PTPRN2: variants seen among roughly 807,000 people sequenced by gnomAD.
The protein encoded by PTPRN2 is receptor-type tyrosine-protein phosphatase N2.
In PTPRN2, 74 loss-of-function variants were observed where a neutral mutation model predicts 118.8. The ratio of observed to expected loss-of-function variants is 0.62; its 90% CI spans 0.52 to 0.76. PTPRN2 has a LOEUF of 0.76. Ranked by LOEUF, PTPRN2 falls within the 30% of genes least tolerant of loss-of-function variation. The pLI, the probability that PTPRN2 is intolerant of heterozygous loss-of-function variation, is 0.00. For synonymous variants in PTPRN2, 641 were observed against 608.0 expected (o/e 1.05, Z -0.80); for missense variants, 1,481 against 1,394.4 (o/e 1.06, Z -0.99).
intron 12 of PTPRN2, among the ~76,000 whole-genome samples, chr7:157,725,459 G>T (rs199845280): frequency 0.022 from 1,496 of 66,648 alleles, no homozygotes; most frequent in East Asian, 0.11. Flanking sequence ...TCCACATGCA[G>T]AGGAGTGAGC....
chr7:158,316,572 A>G (rs1484894163), intron 3 of PTPRN2, among the ~76,000 whole-genome samples: 3 of 152,088 alleles, frequency 2.0e-5, no homozygotes, highest in Non-Finnish European at 4.4e-5. Flanking sequence ...GCTGCGGGCC[A>G]CTGCAGCCTC....
At chr7:157,727,179 C>T (rs1272236755) in intron 12 of PTPRN2, among the ~76,000 whole-genome samples, 3 of 152,136 alleles carry the variant, frequency 2.0e-5, no homozygotes, top group African/African-American at 7.2e-5. Flanking sequence ...ATTTGCACGC[C>T]AGGTTCACAG....
chr7:158,571,500 AACAAAAAAAAAC>A (rs1828029345), intron 1 of PTPRN2, among the ~76,000 whole-genome samples: 1 of 148,042 alleles, frequency 6.8e-6, no homozygotes, highest in African/African-American at 2.6e-5. Flanking sequence ...AACAAAAAAA[AACAAAAAAAAAC>A]ACACACCTAT....
At chr7:158,282,676 G>T (rs11765647) in intron 3 of PTPRN2, among the ~76,000 whole-genome samples, 1 of 143,288 alleles carries the variant, frequency 7.0e-6, no homozygotes, top group South Asian at 2.2e-4. Context: ...CGTCCCTCCT[G>T]GTGCTCCACA....
At chr7:158,371,909 G>C (rs1810025317) in intron 2 of PTPRN2, among the ~76,000 whole-genome samples, 1 of 152,226 alleles carries the variant, frequency 6.6e-6, no homozygotes, top group Non-Finnish European at 1.5e-5. Flanking sequence ...TTTTCTAAAA[G>C]GGAGAGATGA....
intron 11 of PTPRN2, among the ~76,000 whole-genome samples, chr7:157,957,842 C>T (rs1033441078): frequency 6.6e-6 from 1 of 152,196 alleles, no homozygotes; most frequent in Non-Finnish European, 1.5e-5. Flanking sequence ...CACTCCTCCT[C>T]AAACTTTTCC....
At chr7:158,071,618 G>T (rs1254665498) in intron 11 of PTPRN2, among the ~76,000 whole-genome samples, 65 of 132,638 alleles carry the variant, frequency 4.9e-4, no homozygotes, top group South Asian at 8.2e-4. Context: ...TGCTCGTGGT[G>T]GAGGTGCTCG....
At position 158,003,898 on chromosome 7, in the gene PTPRN2, A is replaced by C. The variant is rs1003577773; in HGVS notation, c.1723+77400T>G. 2.0e-5 allele frequency among the ~76,000 whole-genome samples: 3 copies of C among 152,162 alleles called. No individual in the cohort carries two copies. The highest frequency in any genetic ancestry group is 7.2e-5 in the African/African-American group (3 of 41,424). ...CATCACTGTTGCCGACTTAATCAGC[A>C]AACTTCATTTACAATTCCACAAGCT... On this transcript the variant is annotated intron_variant, in intron 11 of 22. Coordinates refer to ENST00000389418, the MANE Select transcript of PTPRN2 (RefSeq NM_002847.5). This position sits in a 1 kb window ranked among gnomAD's most constrained non-coding sequence, Gnocchi z 5.0.
At chr7:158,085,736 C>T (rs1267898640) in intron 10 of PTPRN2, among the ~76,000 whole-genome samples, 34 of 143,288 alleles carry the variant, frequency 2.4e-4, no homozygotes, top group African/African-American at 7.6e-4. Flanking sequence ...TCCACACCCA[C>T]GACACCCATC....
At chr7:158,120,993 GCCAAA>G (rs1038297820) in intron 9 of PTPRN2, among the ~76,000 whole-genome samples, 4 of 152,106 alleles carry the variant, frequency 2.6e-5, no homozygotes, top group African/African-American at 9.7e-5. Context: ...CCTGCTCCAA[GCCAAA>G]CCCTCCTGGC....
intron 1 of PTPRN2, among the ~76,000 whole-genome samples, chr7:158,581,746 C>T (rs184946557): frequency 5.5e-4 from 83 of 152,276 alleles, no homozygotes; most frequent in African/African-American, 2.0e-3. Flanking sequence ...CTTACCACTT[C>T]CAGAGATGAG....
intron 2 of PTPRN2, among the ~76,000 whole-genome samples, chr7:158,412,757 A>G (rs1422733940): frequency 6.5e-5 from 5 of 76,940 alleles, no homozygotes; most frequent in African/African-American, 1.0e-4. Context: ...CCAGCTCAGC[A>G]CCCTCCTCAG....
intron 2 of PTPRN2, among the ~76,000 whole-genome samples, chr7:158,319,591 ACACG>A (rs60665617): frequency 2.2e-4 from 8 of 36,686 alleles, no homozygotes; most frequent in Admixed American, 7.6e-4. Context: ...CCTCCCTCAC[ACACG>A]CACACAGCCT....
chr7:157,554,072 C>T (rs1178678203), intron 21 of PTPRN2, among the ~76,000 whole-genome samples: 1 of 82,612 alleles, frequency 1.2e-5, no homozygotes, highest in Non-Finnish European at 2.3e-5. Flanking sequence ...GGCATGGGTG[C>T]GGCCAGGCCG....
chr7:158,050,930 C>T (rs7456540), intron 11 of PTPRN2, among the ~76,000 whole-genome samples: 5,837 of 152,330 alleles, frequency 0.038, 165 homozygotes, highest in Non-Finnish European at 0.059. Flanking sequence ...CTCCCCACGG[C>T]AGGAGTGAGG....
chr7:158,547,970 C>T (rs1168707279), intron 1 of PTPRN2, among the ~76,000 whole-genome samples: 1 of 152,232 alleles, frequency 6.6e-6, no homozygotes, highest in Non-Finnish European at 1.5e-5. Flanking sequence ...GGGTCACCCA[C>T]TCCGACCCAC....
chr7:157,747,557 G>C (rs1214151947), intron 12 of PTPRN2, among the ~76,000 whole-genome samples: 3 of 78,134 alleles, frequency 3.8e-5, no homozygotes, highest in East Asian at 5.4e-4. Flanking sequence ...GTGGGCTGTT[G>C]AGGTGATTCT....
rs370147906 is a variant in PTPRN2, at chr7:158,039,473, C to T, written c.1723+41825G>A. ...CACATCAATACCAACAGGGCTCCCA[C>T]ATAATGACAGGGGATTACAGATAAA... On this transcript the variant is annotated intron_variant, in intron 11 of 22. Transcript: ENST00000389418. Among the ~76,000 whole-genome samples, 8 of 152,172 alleles carry T rather than the reference C, an allele frequency of 5.3e-5. No individual in the cohort carries two copies. The East Asian group carries it at 1.2e-3, about 22-fold the overall frequency.
At chr7:158,188,807 C>T (rs1054885083) in intron 5 of PTPRN2, among the ~76,000 whole-genome samples, 3 of 152,056 alleles carry the variant, frequency 2.0e-5, no homozygotes, top group African/African-American at 4.8e-5. Flanking sequence ...CACTCCGGGG[C>T]GTGTGTTGAG....
Sources: allele counts gnomAD v4.1 joint callset (sites outside exome capture counted in the v4.1 genomes callset), GRCh38; gene constraint gnomAD v4.1.1; non-coding constraint Gnocchi (gnomAD v3.1); transcripts MANE v1.5; gene names NCBI Gene and HGNC (gene_info 2026-07-23, HGNC 2026-07-21).